Variants in ENPP2 observed in about 807,000 individuals in gnomAD.
ENPP2 encodes ectonucleotide pyrophosphatase/phosphodiesterase 2.
A neutral mutation model predicts 120.2 loss-of-function variants in ENPP2; 51 were observed. That is an observed-to-expected ratio of 0.42 (90% CI 0.34 to 0.54). The LOEUF is 0.54. Among genes scored for constraint, ENPP2 ranks in the 20% least tolerant of loss-of-function variants. ENPP2 has a pLI of 0.04. For synonymous variants in ENPP2, 365 were observed against 366.4 expected (o/e 1.00, Z 0.04); for missense variants, 920 against 1,066.5 (o/e 0.86, Z 1.91).
intron 1 of ENPP2, among the ~76,000 whole-genome samples, chr8:119,649,237 C>T (rs966310922): frequency 9.1e-6 from 1 of 110,072 alleles, no homozygotes; most frequent in Non-Finnish European, 2.0e-5. Flanking sequence ...ACTAAAAATA[C>T]AAAAAAAAAA....
chr8:119,561,874 C>T (rs1157923116), intron 24 of ENPP2, among the ~76,000 whole-genome samples: 1 of 152,092 alleles, frequency 6.6e-6, no homozygotes, highest in African/African-American at 2.4e-5. Context: ...TGCAGTGGCT[C>T]ACGCCTGTAA....
intron 3 of ENPP2, among the ~76,000 whole-genome samples, chr8:119,623,615 T>C (rs1172153897): frequency 6.6e-6 from 1 of 152,106 alleles, no homozygotes; most frequent in Non-Finnish European, 1.5e-5. Flanking sequence ...TGCTGTCTGA[T>C]ATTTTTTGTT....
At chr8:119,618,605 T>G (rs1815647520) in intron 5 of ENPP2, 1 of 262,610 alleles carries the variant, frequency 3.8e-6, no homozygotes, top group South Asian at 4.0e-5. Context: ...AGTGGCACAA[T>G]CTGGGCTCAA....
chr8:119,625,372 A>G (rs560703583), intron 3 of ENPP2, among the ~76,000 whole-genome samples: 1 of 152,346 alleles, frequency 6.6e-6, no homozygotes, highest in East Asian at 1.9e-4. Flanking sequence ...GTGTTCTGCA[A>G]AAAACAGCCT....
At chr8:119,647,693 T>C (rs531697969) in intron 1 of ENPP2, among the ~76,000 whole-genome samples, 185 of 152,174 alleles carry the variant, frequency 1.2e-3, no homozygotes, top group African/African-American at 4.3e-3. Context: ...AAAAGCAATG[T>C]GCTATAGAGA....
At chr8:119,569,738 T>TTGTGTGTG (rs754303358) in intron 20 of ENPP2, among the ~76,000 whole-genome samples, 3,408 of 90,782 alleles carry the variant, frequency 0.038, 65 homozygotes, top group Middle Eastern at 0.11. Flanking sequence ...AATAGACTAT[T>TTGTGTGTG]TATCTGTGTG....
intron 19 of ENPP2, among the ~76,000 whole-genome samples, chr8:119,579,075 C>G (rs1812545689): frequency 6.6e-6 from 1 of 152,204 alleles, no homozygotes; most frequent in African/African-American, 2.4e-5. Flanking sequence ...TTTCCATACA[C>G]TTTTAGTCAT....
intron 1 of ENPP2, among the ~76,000 whole-genome samples, chr8:119,648,906 G>T (rs1817548210): frequency 6.6e-6 from 1 of 152,126 alleles, no homozygotes; most frequent in South Asian, 2.1e-4. Context: ...ATAAATGAAT[G>T]CCATCCAAAT....
intron 3 of ENPP2, 40 bp from the exon 4 acceptor site, chr8:119,621,559 T>C (rs776144298): frequency 1.2e-6 from 2 of 1,601,362 alleles, no homozygotes; most frequent in Non-Finnish European, 1.7e-6. Context: ...TGCTGCACAC[T>C]AACCAAATGA....
intron 3 of ENPP2, 53 bp downstream of exon 3, chr8:119,626,512 G>A (rs1587519343): frequency 1.4e-5 from 21 of 1,485,354 alleles, no homozygotes; most frequent in Non-Finnish European, 1.9e-5. Flanking sequence ...TACAATAGCA[G>A]GCAGTCTTTA....
chr8:119,581,544 T>A (rs66964650), intron 18 of ENPP2, among the ~76,000 whole-genome samples: 3 of 151,858 alleles, frequency 2.0e-5, no homozygotes, highest in African/African-American at 7.3e-5. Flanking sequence ...CAAGCTGCAC[T>A]CATCGGCCAA....
At chr8:119,626,385 G>A (rs1816276380) in intron 3 of ENPP2, among the ~76,000 whole-genome samples, 180 bp downstream of exon 3, 2 of 152,254 alleles carry the variant, frequency 1.3e-5, no homozygotes, top group South Asian at 4.1e-4. Flanking sequence ...GAACCTATGT[G>A]GAAACAATGG....
At chr8:119,562,167 G>A (rs183433428) in intron 24 of ENPP2, among the ~76,000 whole-genome samples, 25 of 151,232 alleles carry the variant, frequency 1.7e-4, no homozygotes, top group Non-Finnish European at 2.8e-4. Flanking sequence ...TATGGGCCAC[G>A]CACAATGGCT....
rs536013693 is a variant in ENPP2 at position 119,630,963 on chromosome 8, C to T, written c.137-4243G>A. Among the ~76,000 whole-genome samples, 16 of 147,444 alleles carry T rather than the reference C, an allele frequency of 1.1e-4. No homozygotes were observed. The South Asian group carries it at 1.9e-3, about 18-fold the overall frequency. ...AGGCTGGAGTGTAATGGTGCGATCT[C>T]GGCTCACTGCAACCCCCGCCTCCTG... On this transcript the variant is annotated intron_variant, in intron 2 of 24. Transcript: ENST00000075322.
intron 1 of ENPP2, among the ~76,000 whole-genome samples, chr8:119,649,251 A>T (rs1342557632): frequency 6.6e-6 from 1 of 151,440 alleles, no homozygotes; most frequent in Non-Finnish European, 1.5e-5. Flanking sequence ...AAAAAAAAAA[A>T]AATAGCCGGG....
At position 119,673,214 on chromosome 8, in the gene ENPP2, A is replaced by G. The variant is rs1322104208; in HGVS notation, c.21+38T>C. The stretch of plus-strand genomic sequence containing the variant: ...ATGGCAGCTGTGACCTGGGAGCCCA[A>G]GCAATGGAGGACGGGTAGAGAGAGG... On this transcript the variant is annotated intron_variant, in intron 1 of 25. Transcript: ENST00000427067. 11 of 1,506,346 alleles carry G rather than the reference A, an allele frequency of 7.3e-6. No individual in the cohort carries two copies. In the Admixed American group the frequency reaches 2.0e-4, roughly 27 times the overall value. 93.3% of individuals were successfully genotyped at this position (1,506,346 alleles called of 1,614,324 possible). A position where few individuals can be genotyped will look rare whatever the true frequency, so the allele number is the denominator to read the frequency against.
intron 9 of ENPP2, among the ~76,000 whole-genome samples, chr8:119,603,648 G>T (rs1383291471): frequency 6.6e-6 from 1 of 152,144 alleles, no homozygotes; most frequent in Non-Finnish European, 1.5e-5. Context: ...AAAGCATTTA[G>T]AATAGTGCTG....
intron 3 of ENPP2, 104 bp from the exon 4 acceptor site, chr8:119,621,623 T>C: frequency 3.3e-6 from 4 of 1,203,860 alleles, no homozygotes; most frequent in Non-Finnish European, 4.7e-6. Context: ...AAATCTCACA[T>C]CATTTACTCT....
At position 119,557,583 on chromosome 8, in the gene ENPP2, G is replaced by A. The variant is rs61738778; in HGVS notation, c.2530C>T (p.Arg844Cys). Residue 844 changes from arginine to cysteine, a missense_variant, in exon 25 of 25, where the codon CGC becomes TGC. Physicochemically the swap from Arg to Cys is radical, Grantham distance 180. Transcript: ENST00000075322. ...TSLDFFRKTSRSYPEILTLKT... is the reference protein window; with the variant it reads ...TSLDFFRKTSCSYPEILTLKT... ...AGTGTCAGGATTTCTGGGTAGCTGC[G>A]GCTGGTCTTTCGGAAGAAGTCCAGG... The A allele has an allele frequency of 5.0e-3, 8,142 of 1,612,958 alleles. 36 individuals are homozygous for A. The highest frequency in any genetic ancestry group is 5.7e-3 in the Non-Finnish European group (6,720 of 1,179,880).
Sources: allele counts gnomAD v4.1 joint callset (sites outside exome capture counted in the v4.1 genomes callset), GRCh38; gene constraint gnomAD v4.1.1; transcripts MANE v1.5; gene names NCBI Gene and HGNC (gene_info 2026-07-23, HGNC 2026-07-21).